The following SPATA16 variants were observed in gnomAD, a reference collection of about 807,000 sequenced individuals.
SPATA16 encodes the protein spermatogenesis-associated protein 16.
In SPATA16, 36 loss-of-function variants were observed where a neutral mutation model predicts 63.3. The observed-to-expected ratio is 0.57, with a 90% confidence interval of 0.44 to 0.75. The LOEUF (loss-of-function observed/expected upper bound fraction) is 0.75. SPATA16 is among the 30% of genes least tolerant of loss of function. The pLI is 0.00. For missense variants in SPATA16, 646 were observed against 679.3 expected, an observed-to-expected ratio of 0.95 and a Z score of 0.54; for synonymous variants, 203 against 216.7, an observed-to-expected ratio of 0.94 and a Z score of 0.56.
intron 8 of SPATA16, among the ~76,000 whole-genome samples, chr3:172,918,489 C>T (rs780199340): frequency 3.9e-5 from 6 of 151,948 alleles, no homozygotes; most frequent in East Asian, 1.9e-4. Flanking sequence ...CTCCTCCCCC[C>T]GAAGCCAAAT....
At chr3:173,098,981 C>A (rs1737425481) in intron 2 of SPATA16, among the ~76,000 whole-genome samples, 1 of 152,070 alleles carries the variant, frequency 6.6e-6, no homozygotes, top group African/African-American at 2.4e-5. Context: ...AAACAAAAAA[C>A]CAAAAACCTT....
Position 173,117,157 on chromosome 3 carries a change from T to G in SPATA16, c.575A>C (p.Tyr192Ser). 1 of 1,614,076 alleles carries G rather than the reference T, an allele frequency of 6.2e-7. No individual in the cohort carries two copies. Among genetic ancestry groups the G allele is most frequent in the Non-Finnish European group, 8.5e-7 (1 of 1,179,954 alleles). The change falls in exon 2 of 11, where the codon TAC becomes TCC. Residue 192 changes from tyrosine to serine, a missense_variant. Physicochemically the swap from Tyr to Ser is moderately radical, Grantham distance 144. Transcript: ENST00000351008. ...TCTGAACTGTCCTGCTGCCAAGGCGTATTTCTTTTGTCTATAGCAAGAGCT... is the reference window on the plus strand; with the variant it reads ...TCTGAACTGTCCTGCTGCCAAGGCGGATTTCTTTTGTCTATAGCAAGAGCT... ...DASSCYRQKK[Y>S]ALAAGQFRTA...
intron 5 of SPATA16, among the ~76,000 whole-genome samples, chr3:172,972,437 G>A (rs895628545): frequency 6.6e-6 from 1 of 152,180 alleles, no homozygotes; most frequent in Non-Finnish European, 1.5e-5. Context: ...CACACCATGA[G>A]GTTCTTTCCT....
chr3:172,967,186 C>G (rs777460309), intron 5 of SPATA16, among the ~76,000 whole-genome samples: 50 of 152,226 alleles, frequency 3.3e-4, no homozygotes, highest in Non-Finnish European at 6.5e-4. Flanking sequence ...CATCTCTAAG[C>G]GCATATCTTT....
chr3:172,999,317 G>T (rs1327928263), intron 4 of SPATA16, among the ~76,000 whole-genome samples: 1 of 152,130 alleles, frequency 6.6e-6, no homozygotes, highest in East Asian at 1.9e-4. Flanking sequence ...TATCAAATTT[G>T]TGGACATAGA....
At chr3:172,892,908 C>T (rs1425115207) in intron 10 of SPATA16, among the ~76,000 whole-genome samples, 1 of 152,094 alleles carries the variant, frequency 6.6e-6, no homozygotes, top group East Asian at 1.9e-4. Context: ...TGTATATATG[C>T]GCCAATGCAG....
intron 5 of SPATA16, among the ~76,000 whole-genome samples, chr3:172,975,882 A>G (rs35340048): frequency 6.6e-6 from 1 of 152,050 alleles, no homozygotes; most frequent in African/African-American, 2.4e-5. Flanking sequence ...ATATAGAGAG[A>G]CAAAAAACTA....
intron 5 of SPATA16, among the ~76,000 whole-genome samples, chr3:172,960,281 T>C (rs1483430210): frequency 6.6e-6 from 1 of 152,188 alleles, no homozygotes; most frequent in Non-Finnish European, 1.5e-5. Context: ...ACCTGTGAAC[T>C]TCTCTGATGT....
intron 10 of SPATA16, among the ~76,000 whole-genome samples, chr3:172,897,017 A>G (rs550663064): frequency 6.6e-6 from 1 of 152,086 alleles, no homozygotes; most frequent in South Asian, 2.1e-4. Flanking sequence ...GTTTGCATAG[A>G]CCAAAATCCT....
intron 2 of SPATA16, among the ~76,000 whole-genome samples, chr3:173,112,097 C>T (rs1737763661): frequency 6.6e-6 from 1 of 151,976 alleles, no homozygotes; most frequent in Non-Finnish European, 1.5e-5. Flanking sequence ...TGTTCTTGTA[C>T]AATACAAATG....
At chr3:172,979,749 C>G (rs1049254438) in intron 4 of SPATA16, among the ~76,000 whole-genome samples, 3 of 152,044 alleles carry the variant, frequency 2.0e-5, no homozygotes, top group African/African-American at 7.3e-5. Flanking sequence ...AGGAACACAG[C>G]TCTCCAAATT....
At chr3:173,137,868 C>CACACACACACACAG (rs1738592814) in intron 1 of SPATA16, among the ~76,000 whole-genome samples, 1 of 148,404 alleles carries the variant, frequency 6.7e-6, no homozygotes, top group Non-Finnish European at 1.5e-5. Flanking sequence ...CACACACACA[C>CACACACACACACAG]ACACAGACAC....
At chr3:173,137,430 A>T (rs573410690) in intron 1 of SPATA16, among the ~76,000 whole-genome samples, 140 of 152,314 alleles carry the variant, frequency 9.2e-4, no homozygotes, top group African/African-American at 3.2e-3. Context: ...GATGACCACG[A>T]TGTTAGACAA....
chr3:173,008,112 A>G (rs1442082820), intron 4 of SPATA16, among the ~76,000 whole-genome samples: 3 of 152,174 alleles, frequency 2.0e-5, no homozygotes, highest in Admixed American at 6.6e-5. Flanking sequence ...CTGTTGAGAC[A>G]TTAAACTACA....
Position 172,901,203 on chromosome 3 carries a change from ATTC to A in SPATA16, c.1588-11514_1588-11512del, listed in dbSNP as rs764232186. 1.4e-3 allele frequency among the ~76,000 whole-genome samples: 206 copies of A among 151,904 alleles called. 1 individual carries two copies. Among genetic ancestry groups the A allele is most frequent in the Non-Finnish European group, 2.5e-3 (170 of 67,910 alleles). On this transcript the variant is annotated intron_variant, in intron 10 of 10. Transcript: ENST00000351008. ...AATGCCTGCTTTAAAACATCAGATA[ATTC>A]TTCTTTTTTTGAGACAAGAGTCTCA...
At chr3:173,011,372 C>A (rs1490512743) in intron 4 of SPATA16, among the ~76,000 whole-genome samples, 1 of 152,122 alleles carries the variant, frequency 6.6e-6, no homozygotes, top group Non-Finnish European at 1.5e-5. Flanking sequence ...CCCTTCATGA[C>A]AAAAACCCTC....
chr3:172,943,672 A>G (rs60054777), intron 6 of SPATA16, among the ~76,000 whole-genome samples: 13,319 of 152,160 alleles, frequency 0.088, 1,949 homozygotes, highest in African/African-American at 0.3. Context: ...CCTGGGAGGC[A>G]GAGGTTGCAG....
chr3:172,994,978 A>G (rs1734663526), intron 4 of SPATA16, among the ~76,000 whole-genome samples: 1 of 152,132 alleles, frequency 6.6e-6, no homozygotes, highest in South Asian at 2.1e-4. Context: ...GGGTGCTTGA[A>G]TATTCAGATG....
At chr3:173,042,445 AACT>A (rs1301341842) in intron 3 of SPATA16, among the ~76,000 whole-genome samples, 1 of 151,956 alleles carries the variant, frequency 6.6e-6, no homozygotes, top group African/African-American at 2.4e-5. Context: ...TCTGGTCTTG[AACT>A]CCTCCTGACC....
Sources: gnomAD v4.1 joint callset for allele counts (sites outside exome capture counted in the v4.1 genomes callset) on GRCh38, gnomAD v4.1.1 for gene constraint, MANE v1.5 for transcripts, NCBI Gene and HGNC (gene_info 2026-07-23, HGNC 2026-07-21) for gene names.